The following FYB2 variants were observed in gnomAD, a reference collection of about 807,000 sequenced individuals.
FYB2 encodes FYN binding protein 2.
Under a neutral mutation model 94.1 loss-of-function variants are expected in FYB2, and 103 were observed. The observed-to-expected ratio is 1.09, with a 90% CI of 0.93 to 1.29. The LOEUF is 1.29. Ranked by LOEUF, FYB2 falls within the 50% of genes most tolerant of loss-of-function variation. The probability of loss-of-function intolerance (pLI) is 0.00; values close to 1 mark genes in which losing one functional copy is unlikely to be tolerated. For synonymous variants in FYB2, 293 were observed against 287.9 expected, an observed-to-expected ratio of 1.02 and a Z score of -0.18; for missense variants, 896 against 841.5, an observed-to-expected ratio of 1.06 and a Z score of -0.80.
chr1:56,775,153 C>A (rs901032576), intron 4 of FYB2, among the ~76,000 whole-genome samples: 1 of 152,118 alleles, frequency 6.6e-6, no homozygotes, highest in African/African-American at 2.4e-5. Context: ...TATACATCTA[C>A]CCTATTAGTC....
chr1:56,775,572 T>C (rs1570106320), intron 4 of FYB2, among the ~76,000 whole-genome samples: 1 of 152,166 alleles, frequency 6.6e-6, no homozygotes, highest in Non-Finnish European at 1.5e-5. Context: ...CACAATCAGA[T>C]GAAGAAACTG....
chr1:56,767,689 A>C (rs1645656308), intron 5 of FYB2, 140 bp downstream of exon 5: 1 of 678,932 alleles, frequency 1.5e-6, no homozygotes, highest in African/African-American at 1.9e-5. Context: ...GACACAGAAA[A>C]AAAAAAGAAA....
Position 56,753,054 on chromosome 1 carries a change from C to T in FYB2, c.1227+785G>A, listed in dbSNP as rs139679648. 1.6e-3 allele frequency among the ~76,000 whole-genome samples: 237 copies of T among 152,166 alleles called. 2 individuals are homozygous for T. Among genetic ancestry groups the T allele is most frequent in the African/African-American group, 5.4e-3 (224 of 41,538 alleles). Reference sequence around the variant, plus strand: ...CTCTGAACACCCAACATGGTCCAGCCCAACCTCTGGACCTACATGCCAGTT... The same window carrying T: ...CTCTGAACACCCAACATGGTCCAGCTCAACCTCTGGACCTACATGCCAGTT... On this transcript the variant is annotated intron_variant, in intron 8 of 19. Transcript: ENST00000343433.
intron 16 of FYB2, among the ~76,000 whole-genome samples, 175 bp from the exon 17 acceptor site, chr1:56,723,856 C>T (rs1182962041): frequency 1.3e-5 from 2 of 151,820 alleles, no homozygotes; most frequent in Non-Finnish European, 2.9e-5. Flanking sequence ...TGTACACACA[C>T]GTATGTAGGT....
Position 56,758,769 on chromosome 1 carries a change from A to T in FYB2, c.1064-19T>A. ...TAAGTTGCTAAAGTAAACATAAAAAAATTATTTCAAGGCAGCTGATCCACC... is the reference window on the plus strand; with the variant it reads ...TAAGTTGCTAAAGTAAACATAAAAATATTATTTCAAGGCAGCTGATCCACC... On this transcript the variant is annotated intron_variant, in intron 5 of 19. Transcript: ENST00000343433. 1.3e-6 allele frequency: 2 copies of T among 1,583,328 alleles called. No individual in the cohort carries two copies. Among genetic ancestry groups the T allele is most frequent in the Non-Finnish European group, 1.7e-6 (2 of 1,161,110 alleles).
chr1:56,794,847 A>T (rs948605804), intron 1 of FYB2, among the ~76,000 whole-genome samples: 3 of 152,048 alleles, frequency 2.0e-5, no homozygotes, highest in Admixed American at 6.6e-5. Flanking sequence ...AATTCACTTC[A>T]CTTTGTTGAG....
chr1:56,741,478 G>T (rs1485982839), intron 12 of FYB2, among the ~76,000 whole-genome samples: 1 of 152,012 alleles, frequency 6.6e-6, no homozygotes, highest in East Asian at 1.9e-4. Context: ...CCCAGCTGAT[G>T]ATTACAATTC....
At chr1:56,757,698 C>CTTTCTT (rs1645377767) in intron 6 of FYB2, among the ~76,000 whole-genome samples, 1 of 61,682 alleles carries the variant, frequency 1.6e-5, no homozygotes, top group Non-Finnish European at 2.9e-5. Flanking sequence ...TTCTTTCTTT[C>CTTTCTT]TTTCTTTCTT....
intron 9 of FYB2, among the ~76,000 whole-genome samples, chr1:56,750,801 G>T (rs1331472382): frequency 6.6e-6 from 1 of 151,980 alleles, no homozygotes; most frequent in African/African-American, 2.4e-5. Flanking sequence ...AAATTGAGTT[G>T]CAGGAATATG....
chr1:56,725,659 C>A (rs1644569761), intron 16 of FYB2, among the ~76,000 whole-genome samples: 1 of 151,934 alleles, frequency 6.6e-6, no homozygotes, highest in Non-Finnish European at 1.5e-5. Flanking sequence ...ATACATCTTT[C>A]CAGCCTGAGA....
In FYB2 at chr1:56,719,390, A is replaced by G. The variant is rs1267225656; in HGVS notation, c.*281T>C. Reference sequence around the variant, plus strand: ...TCTAACTTTGGATATGGCTCATTAAATAAGTGCTCAAATGCTAACACATAC... The same window carrying G: ...TCTAACTTTGGATATGGCTCATTAAGTAAGTGCTCAAATGCTAACACATAC... On this transcript the variant is annotated 3_prime_UTR_variant, in exon 20 of 20. Transcript: ENST00000343433. The G allele has an allele frequency of 5.9e-6, 2 of 336,644 alleles. No homozygotes were observed. The highest frequency in any genetic ancestry group is 5.4e-6 in the Non-Finnish European group (1 of 185,030). The allele number at this position is 336,644 out of a possible 1,614,324, so 20.9% of individuals were successfully genotyped here. A position where few individuals can be genotyped will look rare whatever the true frequency, so the allele number is the denominator to read the frequency against.
chr1:56,734,319 A>T (rs972567662), intron 15 of FYB2, among the ~76,000 whole-genome samples: 1 of 138,588 alleles, frequency 7.2e-6, no homozygotes, highest in Non-Finnish European at 1.6e-5. Flanking sequence ...TGCACATGAG[A>T]TGGGTCTCCT....
At chr1:56,796,707 C>T (rs951036626) in intron 1 of FYB2, among the ~76,000 whole-genome samples, 4 of 152,100 alleles carry the variant, frequency 2.6e-5, no homozygotes, top group African/African-American at 9.7e-5. Context: ...ATTGGGCCTC[C>T]CCCCAACATG....
At chr1:56,774,302 C>T (rs1440973650) in intron 4 of FYB2, among the ~76,000 whole-genome samples, 4 of 152,104 alleles carry the variant, frequency 2.6e-5, no homozygotes, top group Non-Finnish European at 5.9e-5. Flanking sequence ...AGTCTCTTCA[C>T]CCTTTAATCC....
At chr1:56,817,708 C>A (rs1193560081) in intron 1 of FYB2, among the ~76,000 whole-genome samples, 1 of 151,982 alleles carries the variant, frequency 6.6e-6, no homozygotes, top group Non-Finnish European at 1.5e-5. Context: ...AGAAACCACT[C>A]TTATTTCTCT....
At chr1:56,772,537 C>T (rs1047838588) in intron 4 of FYB2, among the ~76,000 whole-genome samples, 15 of 152,086 alleles carry the variant, frequency 9.9e-5, no homozygotes, top group African/African-American at 3.6e-4. Context: ...GACGAAATAA[C>T]TCTATGATTT....
rs35993011 is a variant in FYB2, at chr1:56,755,880, GA to G, written c.1130+15del. On this transcript the variant is annotated intron_variant, in intron 7 of 19. Coordinates refer to ENST00000343433, the MANE Select transcript of FYB2 (RefSeq NM_001004303.5). ...GTGCTTGGACAGGTGCTTTTCTTTT[GA>G]AAGATAAAACTCACCTAGGTTCTGG... The G allele has an allele frequency of 1.9e-6, 3 of 1,595,280 alleles. No homozygotes were observed. The South Asian group carries it at 3.3e-5, about 18-fold the overall frequency.
At chr1:56,744,343 T>C in intron 9 of FYB2, 77 bp from the exon 10 acceptor site, 1 of 1,063,836 alleles carries the variant, frequency 9.4e-7, no homozygotes, top group Non-Finnish European at 1.4e-6. Context: ...TCACTGGCAG[T>C]GGAGGCAAGC....
At chr1:56,772,054 A>T (rs927145603) in intron 4 of FYB2, among the ~76,000 whole-genome samples, 5 of 152,154 alleles carry the variant, frequency 3.3e-5, no homozygotes, top group African/African-American at 1.2e-4. Flanking sequence ...CCAATGCATC[A>T]GTAACTTCTC....
Sources: gnomAD v4.1 joint callset for allele counts (sites outside exome capture counted in the v4.1 genomes callset) on GRCh38, gnomAD v4.1.1 for gene constraint, MANE v1.5 for transcripts, NCBI Gene and HGNC (gene_info 2026-07-23, HGNC 2026-07-21) for gene names.